Variants in LHFPL3 observed in about 807,000 individuals in gnomAD.
LHFPL3 encodes LHFPL tetraspan subfamily member 3 protein.
LHFPL3 carries 5 observed loss-of-function variants against 19.3 expected under a neutral mutation model. That is an observed-to-expected ratio of 0.26 (90% CI 0.14 to 0.54). The LOEUF is 0.54. Ranked by LOEUF, LHFPL3 falls within the 20% of genes least tolerant of loss-of-function variation. LHFPL3 has a pLI of 0.94. For synonymous variants in LHFPL3, 133 were observed against 126.2 expected (o/e 1.05, Z -0.36); for missense variants, 249 against 307.4 (o/e 0.81, Z 1.42).
At chr7:104,662,603 GA>G (rs1792246114) in intron 1 of LHFPL3, among the ~76,000 whole-genome samples, 1 of 152,172 alleles carries the variant, frequency 6.6e-6, no homozygotes, top group Non-Finnish European at 1.5e-5. Flanking sequence ...GCACTTAATA[GA>G]ATGTTTATTG....
intron 1 of LHFPL3, among the ~76,000 whole-genome samples, chr7:104,598,120 C>T (rs909897924): frequency 3.9e-5 from 6 of 152,146 alleles, no homozygotes; most frequent in African/African-American, 1.4e-4. Context: ...GAATATGAAG[C>T]CCACAGCAGC....
chr7:104,461,506 A>T (rs1792662186), intron 1 of LHFPL3, among the ~76,000 whole-genome samples: 1 of 152,144 alleles, frequency 6.6e-6, no homozygotes, highest in Admixed American at 6.5e-5. Flanking sequence ...TGAAGATCAG[A>T]TGGTTATAAG....
intron 1 of LHFPL3, among the ~76,000 whole-genome samples, chr7:104,584,426 T>A (rs1213507739): frequency 6.6e-6 from 1 of 151,890 alleles, no homozygotes; most frequent in Non-Finnish European, 1.5e-5. Flanking sequence ...ACCTGCACAT[T>A]GTGCACATGT....
chr7:104,363,061 A>T (rs1175613277), intron 1 of LHFPL3, among the ~76,000 whole-genome samples: 1 of 152,234 alleles, frequency 6.6e-6, no homozygotes, highest in Non-Finnish European at 1.5e-5. Context: ...CTGAGCTGTA[A>T]TTTGTAATCT....
intron 1 of LHFPL3, among the ~76,000 whole-genome samples, chr7:104,731,643 T>C (rs1337412706): frequency 6.6e-6 from 1 of 151,880 alleles, no homozygotes; most frequent in Non-Finnish European, 1.5e-5. Context: ...TGGGGTTTTC[T>C]AGATATACAA....
intron 2 of LHFPL3, among the ~76,000 whole-genome samples, chr7:104,763,503 C>T (rs577633089): frequency 6.6e-6 from 1 of 152,206 alleles, no homozygotes; most frequent in African/African-American, 2.4e-5. Context: ...AAGTAGAGAC[C>T]GCGTTACTCA....
intron 1 of LHFPL3, among the ~76,000 whole-genome samples, chr7:104,476,367 C>G (rs1204082087): frequency 6.6e-6 from 1 of 152,074 alleles, no homozygotes; most frequent in African/African-American, 2.4e-5. Context: ...ATGTAAGACC[C>G]ACATGTTGAA....
At chr7:104,741,801 C>T (rs370316447) in intron 2 of LHFPL3, among the ~76,000 whole-genome samples, 3 of 152,132 alleles carry the variant, frequency 2.0e-5, no homozygotes, top group African/African-American at 7.2e-5. Flanking sequence ...GCCTCGGCCT[C>T]CCAAAGCAGC....
intron 1 of LHFPL3, among the ~76,000 whole-genome samples, chr7:104,467,719 A>G (rs1792821345): frequency 6.6e-6 from 1 of 152,238 alleles, no homozygotes; most frequent in South Asian, 2.1e-4. Context: ...ACAGGATTAT[A>G]TTTGGGAATA....
At chr7:104,789,128 G>T in intron 2 of LHFPL3, among the ~76,000 whole-genome samples, 1 of 152,196 alleles carries the variant, frequency 6.6e-6, no homozygotes, top group East Asian at 1.9e-4. Flanking sequence ...GGGAACTGAG[G>T]ATTGAGAGAA....
At chr7:104,807,193 A>G (rs1196000827) in intron 2 of LHFPL3, among the ~76,000 whole-genome samples, 1 of 152,058 alleles carries the variant, frequency 6.6e-6, no homozygotes, top group Non-Finnish European at 1.5e-5. Context: ...TCTAGGGGGA[A>G]ATTTGGATAC....
chr7:104,424,107 T>C (rs949151995), intron 1 of LHFPL3, among the ~76,000 whole-genome samples: 2 of 152,146 alleles, frequency 1.3e-5, no homozygotes, highest in African/African-American at 4.8e-5. Context: ...CTTTGTGTTC[T>C]CTCCCTTAAA....
chr7:104,397,755 A>C (rs959535890), intron 1 of LHFPL3, among the ~76,000 whole-genome samples: 1 of 152,306 alleles, frequency 6.6e-6, no homozygotes, highest in East Asian at 1.9e-4. Flanking sequence ...GAAAAAAAGC[A>C]GTATAAATCA....
At chr7:104,815,126 T>G (rs900419776) in intron 2 of LHFPL3, among the ~76,000 whole-genome samples, 1 of 151,660 alleles carries the variant, frequency 6.6e-6, no homozygotes. Context: ...GATGCATGGG[T>G]CCATAGCCAT....
At chr7:104,371,057 G>A (rs1274406463) in intron 1 of LHFPL3, among the ~76,000 whole-genome samples, 7 of 152,068 alleles carry the variant, frequency 4.6e-5, no homozygotes, top group African/African-American at 1.7e-4. Flanking sequence ...TAAATGCATG[G>A]TTTGCCAGCA....
At chr7:104,609,313 T>C (rs1791168338) in intron 1 of LHFPL3, among the ~76,000 whole-genome samples, 1 of 152,100 alleles carries the variant, frequency 6.6e-6, no homozygotes, top group African/African-American at 2.4e-5. Context: ...TTTTATTATC[T>C]TAATGGGGAT....
In LHFPL3 at chr7:104,628,803, A is replaced by G. The variant is rs529354540; in HGVS notation, c.446-107872A>G. Among the ~76,000 whole-genome samples the G allele has an allele frequency of 3.2e-3, 492 of 152,268 alleles. 4 individuals are homozygous for G. The highest frequency in any genetic ancestry group is 1.0e-2 in the South Asian group (48 of 4,820). The stretch of plus-strand genomic sequence containing the variant: ...GGTTCCTTTTTCAAAGAAATTAAGA[A>G]CTGACTCCGATTCTCCTCTCATTGA... On this transcript the variant is annotated intron_variant, in intron 1 of 2. Coordinates refer to ENST00000424859, the MANE Select transcript of LHFPL3 (RefSeq NM_199000.3).
chr7:104,676,569 G>C (rs1792596257), intron 1 of LHFPL3, among the ~76,000 whole-genome samples: 1 of 152,132 alleles, frequency 6.6e-6, no homozygotes, highest in Admixed American at 6.5e-5. Flanking sequence ...ATTTTATCAG[G>C]CATACCTGGT....
intron 1 of LHFPL3, among the ~76,000 whole-genome samples, chr7:104,386,662 T>C (rs1401564614): frequency 6.6e-6 from 1 of 152,204 alleles, no homozygotes; most frequent in Non-Finnish European, 1.5e-5. Context: ...CTGTGGAACA[T>C]TGCAAATGTG....
Sources: allele counts gnomAD v4.1 joint callset (sites outside exome capture counted in the v4.1 genomes callset), GRCh38; gene constraint gnomAD v4.1.1; transcripts MANE v1.5; gene names NCBI Gene and HGNC (gene_info 2026-07-23, HGNC 2026-07-21).